TRAPPC9: variants seen among roughly 807,000 people sequenced by gnomAD.
TRAPPC9 encodes trafficking protein particle complex subunit 9.
TRAPPC9 carries 83 observed loss-of-function variants against 124.0 expected under a neutral mutation model. The ratio of observed to expected loss-of-function variants is 0.67; its 90% CI spans 0.56 to 0.80. The LOEUF (loss-of-function observed/expected upper bound fraction) is 0.80. TRAPPC9 is among the 30% of genes least tolerant of loss of function. The pLI, the probability that TRAPPC9 is intolerant of heterozygous loss-of-function variation, is 0.00. For synonymous variants in TRAPPC9, 638 were observed against 617.5 expected, an observed-to-expected ratio of 1.03 and a Z score of -0.49; for missense variants, 1,302 against 1,508.3, an observed-to-expected ratio of 0.86 and a Z score of 2.27.
chr8:140,268,228 T>G (rs1219512653), intron 15 of TRAPPC9, among the ~76,000 whole-genome samples: 2 of 152,202 alleles, frequency 1.3e-5, no homozygotes, highest in East Asian at 3.8e-4. Context: ...CTCCTATAGT[T>G]AACATCCATA....
At chr8:140,024,105 C>A in intron 17 of TRAPPC9, 26 bp from the exon 18 acceptor site, 2 of 1,571,292 alleles carry the variant, frequency 1.3e-6, no homozygotes, top group Non-Finnish European at 8.7e-7. Flanking sequence ...AAAAAAAATA[C>A]ACACACACAC....
intron 17 of TRAPPC9, chr8:140,098,148 G>C (rs1350090272): frequency 6.6e-6 from 1 of 151,890 alleles, no homozygotes; most frequent in Non-Finnish European, 1.5e-5. Context: ...TCTCAGTGCA[G>C]GGGATTCAGC....
intron 21 of TRAPPC9, among the ~76,000 whole-genome samples, chr8:139,829,396 C>T (rs1420821110): frequency 6.6e-6 from 1 of 152,260 alleles, no homozygotes; most frequent in African/African-American, 2.4e-5. Context: ...TAGTCTCTGT[C>T]TTAGCTGCAG....
At position 140,283,380 on chromosome 8, in the gene TRAPPC9, C is replaced by T. The variant is rs1182059943; in HGVS notation, c.2114+509G>A. Among the ~76,000 whole-genome samples, 23 of 143,064 alleles carry T rather than the reference C, an allele frequency of 1.6e-4. 1 individual carries two copies. The highest frequency in any genetic ancestry group is 1.0e-3 in the East Asian group (5 of 4,998). The allele number at this position is 143,064 out of a possible 152,430, so 93.9% of individuals were successfully genotyped here. On this transcript the variant is annotated intron_variant, in intron 14 of 22. Coordinates refer to ENST00000438773, the MANE Select transcript of TRAPPC9 (RefSeq NM_001160372.4). Reference sequence around the variant, plus strand: ...CGCGATCTCGGCTCACTGCAAGCTCCGCCTCCTGGGTTCACGCCATTCTCC... The same window carrying T: ...CGCGATCTCGGCTCACTGCAAGCTCTGCCTCCTGGGTTCACGCCATTCTCC...
chr8:139,918,362 C>A (rs944214395), intron 19 of TRAPPC9, among the ~76,000 whole-genome samples: 1 of 152,196 alleles, frequency 6.6e-6, no homozygotes, highest in Admixed American at 6.5e-5. Context: ...AGGGAACCTG[C>A]GAAGAGCCCC....
At chr8:139,981,153 C>T (rs769267256) in intron 19 of TRAPPC9, among the ~76,000 whole-genome samples, 2 of 152,138 alleles carry the variant, frequency 1.3e-5, no homozygotes, top group Admixed American at 6.5e-5. Flanking sequence ...CCTATTGATC[C>T]CAGAGCCATC....
chr8:139,817,063 C>T (rs1824891690), intron 21 of TRAPPC9, among the ~76,000 whole-genome samples: 1 of 151,814 alleles, frequency 6.6e-6, no homozygotes, highest in South Asian at 2.1e-4. Flanking sequence ...CACACACACA[C>T]ACACACACAC....
intron 18 of TRAPPC9, among the ~76,000 whole-genome samples, chr8:139,996,914 T>G (rs112200715): frequency 0.048 from 7,323 of 152,168 alleles, 211 homozygotes; most frequent in African/African-American, 0.076. Flanking sequence ...TAAACATTTT[T>G]TATGGTATTT....
intron 21 of TRAPPC9, among the ~76,000 whole-genome samples, chr8:139,841,508 G>A (rs1470689431): frequency 1.3e-5 from 2 of 152,304 alleles, no homozygotes; most frequent in East Asian, 3.9e-4. Flanking sequence ...CCTGAAGTCA[G>A]GCAGCACGGA....
At position 139,988,623 on chromosome 8, in the gene TRAPPC9, C is replaced by T. The variant is rs143332540; in HGVS notation, c.2810+103G>A. 2.6e-5 allele frequency: 20 copies of T among 769,990 alleles called. No homozygotes were observed. In the East Asian group the frequency reaches 4.8e-4, roughly 19 times the overall value. The allele number at this position is 769,990 out of a possible 1,614,324, so 47.7% of individuals were successfully genotyped here. ...ATCTCTGAAAGGGAGACAAACTGCC[C>T]ATCCTCTGAGGACTTGGGGTGGATT... is the stretch of plus-strand genomic sequence containing the variant. On this transcript the variant is annotated intron_variant, in intron 19 of 22. Transcript: ENST00000438773.
chr8:140,126,383 C>A (rs2061098113), intron 17 of TRAPPC9, among the ~76,000 whole-genome samples: 1 of 152,118 alleles, frequency 6.6e-6, no homozygotes, highest in Admixed American at 6.6e-5. Flanking sequence ...AGGTTCCAAA[C>A]AAAGACGTTA....
chr8:139,796,154 G>C (rs111573973), intron 21 of TRAPPC9, among the ~76,000 whole-genome samples: 5,075 of 151,274 alleles, frequency 0.034, 294 homozygotes, highest in African/African-American at 0.12. Flanking sequence ...AAGAGGAGGA[G>C]GAAGAGGAGG....
At position 140,321,331 on chromosome 8, in the gene TRAPPC9, C is replaced by G. The variant is rs1001341224; in HGVS notation, c.1496-9957G>C. Among the ~76,000 whole-genome samples the G allele has an allele frequency of 3.3e-5, 5 of 152,362 alleles. No individual in the cohort carries two copies. In the South Asian group the frequency reaches 8.3e-4, roughly 25 times the overall value. ...ACCCGGAGCTCAGCATGAGCTCCCCCTCGCTTGTTCCCATTCAGCTCCGCA... is the reference window on the plus strand; with the variant it reads ...ACCCGGAGCTCAGCATGAGCTCCCCGTCGCTTGTTCCCATTCAGCTCCGCA... On this transcript the variant is annotated intron_variant, in intron 9 of 22. Coordinates refer to ENST00000438773, the MANE Select transcript of TRAPPC9 (RefSeq NM_001160372.4).
intron 17 of TRAPPC9, among the ~76,000 whole-genome samples, chr8:140,121,300 G>T (rs937997205): frequency 2.0e-5 from 3 of 152,232 alleles, no homozygotes; most frequent in African/African-American, 7.2e-5. Context: ...CATGGGCCTG[G>T]GTGTTGTTGG....
intron 21 of TRAPPC9, among the ~76,000 whole-genome samples, chr8:139,858,271 G>A (rs1338344934): frequency 2.0e-5 from 3 of 152,176 alleles, no homozygotes; most frequent in South Asian, 2.1e-4. Context: ...TCTGACAAAC[G>A]TGTGTGACAG....
intron 18 of TRAPPC9, among the ~76,000 whole-genome samples, chr8:140,003,308 C>T (rs1277362484): frequency 2.6e-5 from 4 of 152,102 alleles, no homozygotes; most frequent in African/African-American, 9.7e-5. Flanking sequence ...GGTGCGGTGG[C>T]TCATGCTTAT....
chr8:139,994,715 C>T (rs1444618136), intron 18 of TRAPPC9, among the ~76,000 whole-genome samples: 1 of 152,084 alleles, frequency 6.6e-6, no homozygotes, highest in Admixed American at 6.5e-5. Context: ...AAACAAGGGC[C>T]TCCCTGAAGA....
At chr8:139,884,560 C>A (rs979689798) in intron 21 of TRAPPC9, among the ~76,000 whole-genome samples, 2 of 152,340 alleles carry the variant, frequency 1.3e-5, no homozygotes, top group African/African-American at 4.8e-5. Context: ...TACAGCTAAT[C>A]CCCCTGGGCC....
chr8:140,086,025 G>C (rs1395539455), intron 17 of TRAPPC9, among the ~76,000 whole-genome samples: 1 of 151,802 alleles, frequency 6.6e-6, no homozygotes, highest in African/African-American at 2.4e-5. Context: ...ACTCTAAGAA[G>C]ACTTCTCCAT....
Sources: allele counts gnomAD v4.1 joint callset (sites outside exome capture counted in the v4.1 genomes callset), GRCh38; gene constraint gnomAD v4.1.1; transcripts MANE v1.5; gene names NCBI Gene and HGNC (gene_info 2026-07-23, HGNC 2026-07-21).